DIDO1: variants seen among roughly 807,000 people sequenced by gnomAD.
DIDO1 encodes the protein death inducer-obliterator 1.
In DIDO1, 16 loss-of-function variants were observed where a neutral mutation model predicts 99.4. The ratio of observed to expected loss-of-function variants is 0.16; its 90% CI spans 0.11 to 0.24. DIDO1 has a LOEUF of 0.24. Among genes scored for constraint, DIDO1 ranks in the 10% least tolerant of loss-of-function variants. The probability of loss-of-function intolerance (pLI) is 1.00; values close to 1 mark genes in which losing one functional copy is unlikely to be tolerated. For missense variants in DIDO1, 2,996 were observed against 3,014.0 expected, an observed-to-expected ratio of 0.99 and a Z score of 0.14; for synonymous variants, 1,366 against 1,239.1, an observed-to-expected ratio of 1.10 and a Z score of -2.15.
intron 1 of DIDO1, among the ~76,000 whole-genome samples, chr20:62,922,507 G>C: frequency 6.6e-6 from 1 of 152,118 alleles, no homozygotes; most frequent in East Asian, 1.9e-4. Flanking sequence ...TAGCGGGGGT[G>C]GGGGGGTACA....
intron 1 of DIDO1, among the ~76,000 whole-genome samples, chr20:62,937,481 C>T (rs2065403232): frequency 6.6e-6 from 1 of 152,240 alleles, no homozygotes; most frequent in South Asian, 2.1e-4. Context: ...CGCGTCCCGC[C>T]CTTCGGCGTA....
At position 62,879,770 on chromosome 20, in the gene DIDO1, G is replaced by A; in HGVS notation, c.6186C>T (p.Asp2062=). 6.2e-7 allele frequency: 1 copy of A among 1,611,550 alleles called. No homozygotes were observed. The highest frequency in any genetic ancestry group is 8.5e-7 in the Non-Finnish European group (1 of 1,179,778). ...GGAAGTCGGCCGATGCCCACTGTCC[G>A]TCGGCCTCGGGGCCCTGTCCGGGCG... ...SSAPGQGPEA[D]GQWASADFRE... The change falls in exon 16 of 16, where the codon GAC becomes GAT. Residue 2062 remains aspartate (D), a synonymous_variant. Coordinates refer to ENST00000395343, the MANE Select transcript of DIDO1 (RefSeq NM_001193369.2). This position sits in a 1 kb window ranked among gnomAD's most constrained non-coding sequence, Gnocchi z 6.3.
Position 62,894,136 on chromosome 20 carries a change from A to G in DIDO1, c.2631T>C (p.Ser877=), listed in dbSNP as rs112062101. The G allele has an allele frequency of 1.5e-3, 2,484 of 1,614,204 alleles. 36 individuals carry two copies. In the African/African-American group the frequency reaches 0.029, roughly 19 times the overall value. ...TTGATTTTAAGTCTTCTTTCTTAAC[A>G]GAAGCTGACAATTTTTGTTTTTTCG... ...PAPKKQKLSA[S]VKKEDLKSKH... is the part of the protein sequence containing the mutation. The change falls in exon 12 of 16, where the codon TCT becomes TCC. Residue 877 remains serine, a synonymous_variant. Coordinates refer to ENST00000395343, the MANE Select transcript of DIDO1 (RefSeq NM_001193369.2). This position sits in a 1 kb window ranked among gnomAD's most constrained non-coding sequence, Gnocchi z 4.4.
chr20:62,906,252 C>T (rs2064802116), intron 5 of DIDO1, 152 bp from the exon 6 acceptor site: 1 of 1,065,934 alleles, frequency 9.4e-7, no homozygotes, highest in Non-Finnish European at 1.3e-6. Flanking sequence ...AGCAGTTCAA[C>T]ACACTTGCGT....
chr20:62,881,627 GTCA>G lies in DIDO1; in HGVS notation c.4326_4328del (p.Asp1443del), dbSNP rs2064208122. ...CGTCGGCACACATCCTGTTGGGCAG[GTCA>G]TCAACAGTCACTTTCGCTTCTTCTA... On this transcript the variant is annotated inframe_deletion, in exon 16 of 16. Transcript: ENST00000395343. This position sits in a 1 kb window ranked among gnomAD's most constrained non-coding sequence, Gnocchi z 8.3. 2 of 1,612,434 alleles carry G rather than the reference GTCA, an allele frequency of 1.2e-6. No individual in the cohort carries two copies. The highest frequency in any genetic ancestry group is 1.7e-6 in the Non-Finnish European group (2 of 1,180,026).
intron 1 of DIDO1, among the ~76,000 whole-genome samples, chr20:62,915,385 A>G (rs1463691636): frequency 2.0e-5 from 3 of 152,236 alleles, no homozygotes; most frequent in Non-Finnish European, 1.5e-5. Context: ...CAATGTGGTA[A>G]AACTATCATC....
In DIDO1 at chr20:62,926,494, G is replaced by A. The variant is rs562420807; in HGVS notation, c.-255C>T. On this transcript the variant is annotated 5_prime_UTR_variant, in exon 1 of 16. Transcript: ENST00000395343. Reference sequence around the variant, plus strand: ...CCCGAACGCCGCGGAGTGGGCGGACGGCCACCGAGATGGCGCGGGGCTAGA... The same window carrying A: ...CCCGAACGCCGCGGAGTGGGCGGACAGCCACCGAGATGGCGCGGGGCTAGA... 2 of 152,130 alleles carry A rather than the reference G, an allele frequency of 1.3e-5. No homozygotes were observed. Among genetic ancestry groups the A allele is most frequent in the East Asian group, 3.9e-4 (2 of 5,134 alleles). 9.4% of individuals were successfully genotyped at this position (152,130 alleles called of 1,614,324 possible). A position where few individuals can be genotyped will look rare whatever the true frequency, so the allele number is the denominator to read the frequency against.
At chr20:62,913,739 C>G (rs1352092390) in intron 2 of DIDO1, among the ~76,000 whole-genome samples, 1 of 152,230 alleles carries the variant, frequency 6.6e-6, no homozygotes, top group Non-Finnish European at 1.5e-5. Context: ...GCAGTCGCCT[C>G]TGCCTCTGGG....
At chr20:62,925,413 T>C (rs1056937452) in intron 1 of DIDO1, among the ~76,000 whole-genome samples, 6 of 152,212 alleles carry the variant, frequency 3.9e-5, no homozygotes, top group Admixed American at 6.5e-5. Flanking sequence ...ACGGGGTATA[T>C]AGCAAAGTTA....
intron 1 of DIDO1, among the ~76,000 whole-genome samples, chr20:62,936,544 G>A (rs1254262018): frequency 6.8e-6 from 1 of 147,328 alleles, no homozygotes; most frequent in Non-Finnish European, 1.5e-5. Context: ...AACAAAGTGA[G>A]ACTCCTTCTC....
chr20:62,890,357 G>A (rs2064372546), intron 15 of DIDO1: 1 of 986,576 alleles, frequency 1.0e-6, no homozygotes, highest in Non-Finnish European at 1.2e-6. Flanking sequence ...CTCAACCCTT[G>A]ACAAAGATGT....
At chr20:62,923,776 T>C (rs754767893) in intron 1 of DIDO1, among the ~76,000 whole-genome samples, 8 of 152,246 alleles carry the variant, frequency 5.3e-5, no homozygotes, top group Non-Finnish European at 1.0e-4. Flanking sequence ...AAAGGTATAT[T>C]AAGTACCACT....
rs760003260 is a variant in DIDO1 at position 62,881,447 on chromosome 20, C to A, written c.4509G>T (p.Gln1503His). 1 of 1,609,494 alleles carries A rather than the reference C, an allele frequency of 6.2e-7. No individual in the cohort carries two copies. The highest frequency in any genetic ancestry group is 2.2e-5 in the East Asian group (1 of 44,856). The stretch of plus-strand genomic sequence containing the variant: ...CCATGGAGACCCCGACGGCGGCCCT[C>A]TGCTGCCTGAGAGCTTCTTCTTGCT... ...LEEQEEALRQ[Q>H]RAAVGVSMAH... The change falls in exon 16 of 16, where the codon CAG (glutamine) becomes CAT (histidine). Residue 1503 changes from glutamine (Q) to histidine (H), a missense_variant. By Grantham distance (24) the Gln-to-His change is conservative. This residue lies in a region of DIDO1 where 1,562 missense variants were observed against 1,412.6 expected (regional missense o/e 1.11). Coordinates refer to ENST00000395343, the MANE Select transcript of DIDO1 (RefSeq NM_001193369.2). The surrounding 1 kb of genome is among the most constrained non-coding windows in gnomAD (Gnocchi z 8.3).
chr20:62,909,113 A>C (rs1022497136), intron 4 of DIDO1, among the ~76,000 whole-genome samples: 1 of 152,202 alleles, frequency 6.6e-6, no homozygotes, highest in African/African-American at 2.4e-5. Flanking sequence ...GCAATTTCCA[A>C]TACCTGCCAG....
intron 15 of DIDO1, among the ~76,000 whole-genome samples, chr20:62,885,674 A>C (rs1262144604): frequency 6.6e-6 from 1 of 152,214 alleles, no homozygotes; most frequent in Non-Finnish European, 1.5e-5. Context: ...CGCCATTTAA[A>C]ATTTAAATTG....
chr20:62,882,521 A>G (rs1177467816), intron 15 of DIDO1, 107 bp from the exon 16 acceptor site: 1 of 1,094,116 alleles, frequency 9.1e-7, no homozygotes, highest in African/African-American at 1.6e-5. Flanking sequence ...ATAGACAAAA[A>G]TAAGCCATTC....
rs2064224815 is a variant in DIDO1 at position 62,882,410 on chromosome 20, A to G, written c.3546T>C (p.Leu1182=). Reference sequence around the variant, plus strand: ...GAATTATATTCGGACGTGGTGACTCAAGACCTGAAAAACAAAATATTTGTG... The same window carrying G: ...GAATTATATTCGGACGTGGTGACTCGAGACCTGAAAAACAAAATATTTGTG... The part of the protein sequence containing the change: ...SKLLPFEGPG[L]ESPRPNIILG... Residue 1182 remains leucine, a synonymous_variant, in exon 16 of 16, where the codon CTT becomes CTC. Coordinates refer to ENST00000395343, the MANE Select transcript of DIDO1 (RefSeq NM_001193369.2). 8.7e-6 allele frequency: 14 copies of G among 1,601,064 alleles called. No individual in the cohort carries two copies. Among genetic ancestry groups the G allele is most frequent in the Non-Finnish European group, 1.0e-5 (12 of 1,173,282 alleles).
rs568624567 is a variant in DIDO1 at position 62,888,780 on chromosome 20, C to T, written c.3541+2180G>A. 3.0e-6 allele frequency: 3 copies of T among 985,456 alleles called. No homozygotes were observed. The East Asian group carries it at 3.4e-4, about 112-fold the overall frequency. 61.0% of individuals were successfully genotyped at this position (985,456 alleles called of 1,614,324 possible). ...ATCAGTACGTGAAGCGGGCCGAGTA[C>T]CCGATGGCCTGGCCCGGGGTGAAGG... On this transcript the variant is annotated intron_variant, in intron 15 of 15. Coordinates refer to ENST00000395343, the MANE Select transcript of DIDO1 (RefSeq NM_001193369.2).
intron 8 of DIDO1, 63 bp from the exon 9 acceptor site, chr20:62,895,228 T>C (rs2064492070): frequency 1.4e-6 from 2 of 1,466,890 alleles, no homozygotes; most frequent in Non-Finnish European, 1.9e-6. Flanking sequence ...ACAGAGAGCT[T>C]CTGGAAAACA....
Sources: gnomAD v4.1 joint callset for allele counts (sites outside exome capture counted in the v4.1 genomes callset) on GRCh38, gnomAD v4.1.1 for gene constraint, gnomAD v4.1.1 regional missense constraint, Gnocchi (gnomAD v3.1) non-coding constraint, MANE v1.5 for transcripts, NCBI Gene and HGNC (gene_info 2026-07-23, HGNC 2026-07-21) for gene names.